Variants in UBQLN1 observed in about 807,000 individuals in gnomAD.
UBQLN1 encodes ubiquilin-1.
UBQLN1 carries 13 observed loss-of-function variants against 65.4 expected under a neutral mutation model. The ratio of observed to expected loss-of-function variants is 0.20; its 90% CI spans 0.13 to 0.32. The LOEUF is 0.32. Among genes scored for constraint, UBQLN1 ranks in the 10% least tolerant of loss-of-function variants. The pLI, the probability that UBQLN1 is intolerant of heterozygous loss-of-function variation, is 1.00. For missense variants in UBQLN1, 561 were observed against 724.0 expected (o/e 0.77, Z 2.58); for synonymous variants, 267 against 247.8 (o/e 1.08, Z -0.73).
intron 1 of UBQLN1, among the ~76,000 whole-genome samples, chr9:83,695,238 G>A (rs377229309): frequency 1.9e-3 from 250 of 132,158 alleles, no homozygotes; most frequent in East Asian, 3.2e-3. Context: ...TCACTCTGTC[G>A]CCCAGGCTGG....
chr9:83,695,562 T>A, intron 1 of UBQLN1, among the ~76,000 whole-genome samples: 1 of 152,258 alleles, frequency 6.6e-6, no homozygotes, highest in South Asian at 2.1e-4. Context: ...ATGTAAAAGG[T>A]ATTTTTTAAA....
intron 3 of UBQLN1, 101 bp from the exon 4 acceptor site, chr9:83,680,138 T>C (rs1053651673): frequency 1.3e-5 from 16 of 1,217,474 alleles, no homozygotes; most frequent in Middle Eastern, 4.2e-4. Context: ...GCTGACCCAA[T>C]AGTCTATTAC....
intron 1 of UBQLN1, among the ~76,000 whole-genome samples, chr9:83,686,653 C>T (rs1477459134): frequency 6.6e-6 from 1 of 152,162 alleles, no homozygotes; most frequent in African/African-American, 2.4e-5. Flanking sequence ...CCAAAATAAT[C>T]CATTCCTCAG....
intron 1 of UBQLN1, among the ~76,000 whole-genome samples, chr9:83,697,717 G>A (rs569802938): frequency 2.7e-5 from 4 of 148,458 alleles, no homozygotes; most frequent in South Asian, 4.3e-4. Context: ...CACCACACGC[G>A]GCTATTTTTT....
Position 83,707,670 on chromosome 9 carries a change from T to G in UBQLN1, c.10A>C (p.Ser4Arg). 1 of 1,549,848 alleles carries G rather than the reference T, an allele frequency of 6.5e-7. No individual in the cohort carries two copies. The highest frequency in any genetic ancestry group is 2.4e-5 in the East Asian group (1 of 40,944). Residue 4 changes from serine to arginine, a missense_variant, in exon 1 of 11, where the codon AGT becomes CGT. Around this residue, in one of 8 missense-constraint regions of UBQLN1, gnomAD observed 101 missense variants for 104.9 expected, o/e 0.96. Transcript: ENST00000376395. The part of the protein sequence containing the change: MAE[S>R]GESGGPPGSQ... Reference sequence around the variant, plus strand: ...CCCGGAGGACCGCCGCTTTCACCACTCTCGGCCATGGCTGTGGCGGCGGCG... The same window carrying G: ...CCCGGAGGACCGCCGCTTTCACCACGCTCGGCCATGGCTGTGGCGGCGGCG...
intron 7 of UBQLN1, chr9:83,667,928 A>G (rs1185541398): frequency 1.0e-6 from 1 of 983,996 alleles, no homozygotes; most frequent in African/African-American, 1.7e-5. Flanking sequence ...TTAGAGTAAA[A>G]AAATAGTATG....
At position 83,707,823 on chromosome 9, in the gene UBQLN1, A is replaced by C; in HGVS notation, c.-144T>G. ...CCTCAGTAGCAACGGGCGCAGGGCC[A>C]CCGTAGCGGGTGTGGGGCCCCGGAG... On this transcript the variant is annotated 5_prime_UTR_variant, in exon 1 of 11. Transcript: ENST00000376395. 3.9e-6 allele frequency: 5 copies of C among 1,290,942 alleles called. No individual in the cohort carries two copies. The South Asian group carries it at 6.4e-5, about 17-fold the overall frequency. 80.0% of individuals were successfully genotyped at this position (1,290,942 alleles called of 1,614,324 possible).
At chr9:83,689,693 A>T (rs1368359690) in intron 1 of UBQLN1, among the ~76,000 whole-genome samples, 1 of 152,222 alleles carries the variant, frequency 6.6e-6, no homozygotes, top group East Asian at 1.9e-4. Context: ...ATACAAAAAG[A>T]CCTAACCATT....
intron 2 of UBQLN1, among the ~76,000 whole-genome samples, chr9:83,683,564 A>G (rs1831986884): frequency 6.6e-6 from 1 of 152,130 alleles, no homozygotes; most frequent in Non-Finnish European, 1.5e-5. Flanking sequence ...ATAAAACCCT[A>G]CAAAATACAA....
chr9:83,683,178 C>T (rs979590580), intron 2 of UBQLN1, 112 bp from the exon 3 acceptor site: 35 of 592,172 alleles, frequency 5.9e-5, no homozygotes, highest in African/African-American at 5.7e-4. Context: ...TTTGGGAGGC[C>T]GAAGCTGGCT....
intron 7 of UBQLN1, 92 bp downstream of exon 7, chr9:83,669,093 T>C (rs1367278223): frequency 6.9e-7 from 1 of 1,447,366 alleles, no homozygotes; most frequent in Admixed American, 2.7e-5. Flanking sequence ...TAAGATATCA[T>C]ACACAACACA....
At chr9:83,680,775 G>C (rs1401935839) in intron 3 of UBQLN1, among the ~76,000 whole-genome samples, 1 of 152,132 alleles carries the variant, frequency 6.6e-6, no homozygotes, top group East Asian at 1.9e-4. Context: ...AGCAATTATT[G>C]AACCTGAGGA....
intron 1 of UBQLN1, among the ~76,000 whole-genome samples, chr9:83,696,196 T>A (rs1041073701): frequency 6.6e-6 from 1 of 152,210 alleles, no homozygotes; most frequent in African/African-American, 2.4e-5. Flanking sequence ...CCATCATGAT[T>A]GTATACACTT....
intron 10 of UBQLN1, 113 bp from the exon 11 acceptor site, chr9:83,662,052 T>A: frequency 1.1e-6 from 1 of 890,260 alleles, no homozygotes; most frequent in East Asian, 2.6e-5. Context: ...CTACTGAGCT[T>A]TAAAAACACT....
At chr9:83,705,457 C>G (rs2131194223) in intron 1 of UBQLN1, among the ~76,000 whole-genome samples, 1 of 152,298 alleles carries the variant, frequency 6.6e-6, no homozygotes, top group East Asian at 1.9e-4. Flanking sequence ...ACCCCGTTGG[C>G]CAGGCTGGTC....
chr9:83,688,167 C>T (rs1832069820), intron 1 of UBQLN1, among the ~76,000 whole-genome samples: 1 of 152,274 alleles, frequency 6.6e-6, no homozygotes, highest in African/African-American at 2.4e-5. Flanking sequence ...TAAATGCAAA[C>T]ATCAGGTATA....
At chr9:83,700,873 C>G (rs748350416) in intron 1 of UBQLN1, among the ~76,000 whole-genome samples, 26 of 152,298 alleles carry the variant, frequency 1.7e-4, no homozygotes, top group Non-Finnish European at 2.6e-4. Context: ...CTAAGACCAA[C>G]AGGGAGCCAT....
chr9:83,690,876 G>A (rs751302087), intron 1 of UBQLN1, among the ~76,000 whole-genome samples: 8 of 152,172 alleles, frequency 5.3e-5, no homozygotes, highest in Non-Finnish European at 1.0e-4. Context: ...AGTGGCTCAC[G>A]CTTGTAATCC....
Position 83,707,876 on chromosome 9 carries a change from G to C in UBQLN1, c.-197C>G. 1.4e-6 allele frequency: 1 copy of C among 736,656 alleles called. No homozygotes were observed. The highest frequency in any genetic ancestry group is 2.0e-6 in the Non-Finnish European group (1 of 496,088). 45.6% of individuals were successfully genotyped at this position (736,656 alleles called of 1,614,324 possible). ...CGGTGCAGGCTCTGGCGCAGGCCCGGGTCAGGCGCTCGGCAGCCGCCGTGT... is the reference window on the plus strand; with the variant it reads ...CGGTGCAGGCTCTGGCGCAGGCCCGCGTCAGGCGCTCGGCAGCCGCCGTGT... On this transcript the variant is annotated 5_prime_UTR_variant, in exon 1 of 11. Coordinates refer to ENST00000376395, the MANE Select transcript of UBQLN1 (RefSeq NM_013438.5).
Sources: allele counts gnomAD v4.1 joint callset (sites outside exome capture counted in the v4.1 genomes callset), GRCh38; gene constraint gnomAD v4.1.1; regional missense constraint gnomAD v4.1.1; transcripts MANE v1.5; gene names NCBI Gene and HGNC (gene_info 2026-07-23, HGNC 2026-07-21).